The following LCORL variants were observed in gnomAD, a reference collection of about 807,000 sequenced individuals.
The protein encoded by LCORL is ligand-dependent nuclear receptor corepressor-like protein.
Under a neutral mutation model 141.8 loss-of-function variants are expected in LCORL, and 41 were observed. The ratio of observed to expected loss-of-function variants is 0.29; its 90% CI spans 0.23 to 0.38. LCORL has a LOEUF of 0.38. LCORL is among the 10% of genes least tolerant of loss of function. The pLI is 1.00. For missense variants in LCORL, 1,759 were observed against 2,035.0 expected (o/e 0.86, Z 2.61); for synonymous variants, 618 against 694.1 (o/e 0.89, Z 1.72).
At chr4:17,925,024 C>A (rs1171256107) in intron 4 of LCORL, among the ~76,000 whole-genome samples, 1 of 152,168 alleles carries the variant, frequency 6.6e-6, no homozygotes, top group Non-Finnish European at 1.5e-5. Context: ...TAGCAAAATT[C>A]TTGCTTCCTG....
intron 4 of LCORL, among the ~76,000 whole-genome samples, chr4:17,951,703 G>T (rs1395372591): frequency 2.0e-5 from 3 of 152,144 alleles, no homozygotes; most frequent in Non-Finnish European, 4.4e-5. Context: ...TAATTTACTT[G>T]TTTATTATCT....
At chr4:17,878,953 AT>A (rs1025899941) in intron 6 of LCORL, among the ~76,000 whole-genome samples, 5 of 150,198 alleles carry the variant, frequency 3.3e-5, no homozygotes, top group Admixed American at 6.7e-5. Flanking sequence ...AAGTCTACAC[AT>A]TTTTTTTTAA....
intron 7 of LCORL, among the ~76,000 whole-genome samples, chr4:17,867,208 G>A (rs143518498): frequency 7.3e-4 from 111 of 152,222 alleles, no homozygotes; most frequent in African/African-American, 2.6e-3. Flanking sequence ...AGTGGATGGG[G>A]TGTTGGGGAC....
intron 6 of LCORL, chr4:17,880,623 TC>T: frequency 1.0e-6 from 1 of 983,224 alleles, no homozygotes; most frequent in Non-Finnish European, 1.2e-6. Flanking sequence ...TTTCTTTTTT[TC>T]TTTTACTGAA....
intron 4 of LCORL, among the ~76,000 whole-genome samples, chr4:17,954,554 AT>A (rs1712185571): frequency 6.7e-6 from 1 of 149,810 alleles, no homozygotes. Flanking sequence ...TAGAAACATC[AT>A]TTTTCTTTTT....
intron 1 of LCORL, among the ~76,000 whole-genome samples, chr4:17,995,086 T>G (rs1022519848): frequency 4.6e-5 from 7 of 152,188 alleles, no homozygotes; most frequent in African/African-American, 1.7e-4. Context: ...ACAGCCACAG[T>G]GCCATATTTA....
chr4:17,973,406 C>A (rs1222366143), intron 1 of LCORL, among the ~76,000 whole-genome samples: 1 of 151,746 alleles, frequency 6.6e-6, no homozygotes, highest in African/African-American at 2.4e-5. Flanking sequence ...CTATAGACTG[C>A]CCTAAATTTT....
intron 2 of LCORL, among the ~76,000 whole-genome samples, chr4:17,971,891 G>T (rs1716024351): frequency 1.3e-5 from 2 of 151,248 alleles, no homozygotes; most frequent in South Asian, 4.2e-4. Context: ...AATCTTTTAA[G>T]TTACTACTTA....
At chr4:17,874,222 C>G in exon 7 of LCORL, 1 of 1,233,874 alleles carries the variant, frequency 8.1e-7, no homozygotes. Context: ...CTAGCTATTG[C>G]TAAATTACTT....
exon 3 of LCORL, chr4:17,962,997 A>G: frequency 6.3e-7 from 1 of 1,598,054 alleles, no homozygotes; most frequent in South Asian, 1.1e-5. Context: ...GTAGGTTACA[A>G]AATGAACATT....
intron 1 of LCORL, among the ~76,000 whole-genome samples, chr4:17,973,878 A>T: frequency 6.6e-6 from 1 of 152,150 alleles, no homozygotes; most frequent in East Asian, 1.9e-4. Context: ...CATTTAATAA[A>T]ACATGAACTA....
chr4:17,935,738 C>T (rs13119561), intron 4 of LCORL, among the ~76,000 whole-genome samples: 19,280 of 152,186 alleles, frequency 0.13, 1,361 homozygotes, highest in South Asian at 0.26. Context: ...CCTGCAGAAC[C>T]GTGAGTCAAA....
At chr4:17,861,920 C>T (rs1353963850) in intron 7 of LCORL, among the ~76,000 whole-genome samples, 5 of 152,194 alleles carry the variant, frequency 3.3e-5, no homozygotes, top group Non-Finnish European at 5.9e-5. Flanking sequence ...CCATCTGAGA[C>T]CACCTCAGCC....
intron 4 of LCORL, chr4:17,912,097 A>G: frequency 1.4e-6 from 1 of 739,918 alleles, no homozygotes; most frequent in Non-Finnish European, 2.5e-6. Context: ...CAAGACCACC[A>G]AGGACGTGAG....
chr4:18,011,195 T>C (rs1723711950), intron 1 of LCORL, among the ~76,000 whole-genome samples: 1 of 152,192 alleles, frequency 6.6e-6, no homozygotes, highest in Non-Finnish European at 1.5e-5. Context: ...AAGATTATTT[T>C]GGCTTCCATC....
rs192072404 is a variant in LCORL, at chr4:17,956,220, T to C, written c.430+5683A>G. On this transcript the variant is annotated intron_variant, in intron 4 of 7. Coordinates refer to ENST00000635767, the Ensembl canonical transcript of LCORL. The stretch of plus-strand genomic sequence containing the variant: ...CTTTTACAGTTTCTGGGAGTGTACA[T>C]TGTACAGCCACTATAGAAAATAGTG... Among the ~76,000 whole-genome samples, 42 of 152,200 alleles carry C rather than the reference T, an allele frequency of 2.8e-4. No individual in the cohort carries two copies. In the East Asian group the frequency reaches 7.9e-3, roughly 29 times the overall value.
chr4:17,843,195 C>CAATT lies in LCORL; in HGVS notation c.*2689_*2692dup, dbSNP rs1465652964. On this transcript the variant is annotated 3_prime_UTR_variant, in exon 8 of 8. Transcript: ENST00000635767. ...AGCTAAGTCAATGGAATCAGGCTAT[C>CAATT]AATTAAACACTGATAGAATGTGAGT... 3 of 1,209,710 alleles carry CAATT rather than the reference C, an allele frequency of 2.5e-6. No homozygotes were observed. In the African/African-American group the frequency reaches 4.6e-5, roughly 19 times the overall value. 74.9% of individuals were successfully genotyped at this position (1,209,710 alleles called of 1,614,324 possible). A position where few individuals can be genotyped will look rare whatever the true frequency, so the allele number is the denominator to read the frequency against.
At chr4:17,972,061 C>G (rs1251609286) in intron 2 of LCORL, among the ~76,000 whole-genome samples, 1 of 151,442 alleles carries the variant, frequency 6.6e-6, no homozygotes, top group Non-Finnish European at 1.5e-5. Context: ...TGAACAATAG[C>G]AAAAAAGGCT....
chr4:17,867,005 T>C (rs1725753933), intron 7 of LCORL: 1 of 984,772 alleles, frequency 1.0e-6, no homozygotes, highest in African/African-American at 1.7e-5. Context: ...TTACCTCAGA[T>C]AGAGAAAGCA....
Sources: allele counts gnomAD v4.1 joint callset (sites outside exome capture counted in the v4.1 genomes callset), GRCh38; gene constraint gnomAD v4.1.1; transcripts MANE v1.5; gene names NCBI Gene and HGNC (gene_info 2026-07-23, HGNC 2026-07-21).